The following ATP9B variants were observed in gnomAD, a reference collection of about 807,000 sequenced individuals.
The protein encoded by ATP9B is probable phospholipid-transporting ATPase IIB.
A neutral mutation model predicts 146.1 loss-of-function variants in ATP9B; 110 were observed. That is an observed-to-expected ratio of 0.75 (90% CI 0.65 to 0.88). The LOEUF is 0.88. Ranked by LOEUF, ATP9B falls within the 40% of genes least tolerant of loss-of-function variation. The pLI is 0.00. For synonymous variants in ATP9B, 604 were observed against 569.7 expected, an observed-to-expected ratio of 1.06 and a Z score of -0.86; for missense variants, 1,499 against 1,496.4, an observed-to-expected ratio of 1.00 and a Z score of -0.03.
chr18:79,113,975 A>ATTTTTAT (rs1393935543), intron 4 of ATP9B, among the ~76,000 whole-genome samples: 1 of 151,664 alleles, frequency 6.6e-6, no homozygotes, highest in African/African-American at 2.4e-5. Context: ...TACTTCCTTT[A>ATTTTTAT]TTTTTATTTT....
intron 5 of ATP9B, among the ~76,000 whole-genome samples, chr18:79,127,528 A>G (rs986258925): frequency 6.6e-6 from 1 of 152,328 alleles, no homozygotes; most frequent in African/African-American, 2.4e-5. Flanking sequence ...TGGTAGTAGC[A>G]TTCATCAGTA....
chr18:79,205,029 C>T (rs1051651125), intron 9 of ATP9B, among the ~76,000 whole-genome samples: 1 of 152,126 alleles, frequency 6.6e-6, no homozygotes, highest in African/African-American at 2.4e-5. Flanking sequence ...CAGGCGGTCG[C>T]CTTCTTGTGA....
At chr18:79,368,809 C>CCGTCGTTGGCACCCT (rs1162710660) in intron 26 of ATP9B, among the ~76,000 whole-genome samples, 3 of 151,974 alleles carry the variant, frequency 2.0e-5, no homozygotes, top group Non-Finnish European at 4.4e-5. Context: ...CCAGCATACT[C>CCGTCGTTGGCACCCT]CGTCGTTGGC....
intron 12 of ATP9B, among the ~76,000 whole-genome samples, chr18:79,267,468 C>A (rs545650494): frequency 6.6e-6 from 1 of 151,982 alleles, no homozygotes; most frequent in East Asian, 1.9e-4. Flanking sequence ...CCTTCTGCCC[C>A]CTTTGTGAAT....
At chr18:79,375,021 G>A (rs1291211908) in intron 28 of ATP9B, among the ~76,000 whole-genome samples, 1 of 152,226 alleles carries the variant, frequency 6.6e-6, no homozygotes, top group East Asian at 1.9e-4. Flanking sequence ...AAGATCAGTA[G>A]TAACACGCTT....
intron 29 of ATP9B, 138 bp from the exon 30 acceptor site, chr18:79,377,108 TG>T: frequency 1.0e-6 from 1 of 955,104 alleles, no homozygotes; most frequent in Non-Finnish European, 1.6e-6. Flanking sequence ...GATTTGGAGC[TG>T]GGCCCCTGTA....
intron 29 of ATP9B, chr18:79,375,887 G>A: frequency 5.1e-6 from 5 of 985,372 alleles, no homozygotes; most frequent in African/African-American, 3.5e-5. Context: ...ACAGTCTAAA[G>A]GGATTTCCAC....
Position 79,298,536 on chromosome 18 carries a change from G to A in ATP9B, c.1412-5068G>A, listed in dbSNP as rs1054374102. ...CACTAAAAATGTCACTTCTCTTTTCGATATTCAGTTTAATTCAGTTTCTGT... is the reference window on the plus strand; with the variant it reads ...CACTAAAAATGTCACTTCTCTTTTCAATATTCAGTTTAATTCAGTTTCTGT... On this transcript the variant is annotated intron_variant, in intron 13 of 29. Coordinates refer to ENST00000426216, the MANE Select transcript of ATP9B (RefSeq NM_198531.5). 8.2e-5 allele frequency among the ~76,000 whole-genome samples: 12 copies of A among 146,640 alleles called. 1 individual carries two copies. Among genetic ancestry groups the A allele is most frequent in the African/African-American group, 3.0e-4 (12 of 39,844 alleles).
chr18:79,096,961 C>T (rs879655119), intron 2 of ATP9B, among the ~76,000 whole-genome samples: 5 of 151,954 alleles, frequency 3.3e-5, no homozygotes, highest in Admixed American at 3.3e-4. Context: ...AGTTTGAGAC[C>T]AGCCTGGACA....
At chr18:79,280,203 G>T (rs980383144) in intron 13 of ATP9B, among the ~76,000 whole-genome samples, 6 of 152,066 alleles carry the variant, frequency 3.9e-5, no homozygotes, top group African/African-American at 9.7e-5. Context: ...TTTCAAAATA[G>T]AATGTTCAAG....
intron 26 of ATP9B, 153 bp from the exon 27 acceptor site, chr18:79,372,672 C>T (rs547060944): frequency 2.6e-5 from 18 of 696,172 alleles, no homozygotes; most frequent in South Asian, 1.6e-4. Flanking sequence ...CAGGAAAAGG[C>T]GCCCGAAATG....
At chr18:79,130,537 G>A (rs2094360639) in intron 5 of ATP9B, among the ~76,000 whole-genome samples, 2 of 151,938 alleles carry the variant, frequency 1.3e-5, no homozygotes, top group African/African-American at 2.4e-5. Context: ...GAGAAAATAT[G>A]TGAAGGAATA....
At chr18:79,185,448 G>A (rs538667976) in intron 8 of ATP9B, among the ~76,000 whole-genome samples, 9 of 152,020 alleles carry the variant, frequency 5.9e-5, no homozygotes, top group African/African-American at 9.7e-5. Context: ...TAACATTTTC[G>A]TGGCCAGTAC....
chr18:79,336,906 G>A (rs749763667), intron 18 of ATP9B, among the ~76,000 whole-genome samples, 195 bp downstream of exon 18: 35 of 152,328 alleles, frequency 2.3e-4, no homozygotes, highest in Admixed American at 1.6e-3. Context: ...TGCTGGGGAA[G>A]GAGGGTTACA....
At chr18:79,303,477 T>C (rs923624522) in intron 13 of ATP9B, 127 bp from the exon 14 acceptor site, 3 of 634,450 alleles carry the variant, frequency 4.7e-6, no homozygotes, top group Admixed American at 2.6e-5. Context: ...CGCTACTTTG[T>C]ATTATACAGT....
At chr18:79,118,531 G>A (rs1179729129) in intron 4 of ATP9B, among the ~76,000 whole-genome samples, 1 of 149,906 alleles carries the variant, frequency 6.7e-6, no homozygotes, top group Admixed American at 6.7e-5. Context: ...CTTCCAAGTA[G>A]CTGGGACTAC....
chr18:79,192,864 G>A (rs1349019870), intron 8 of ATP9B, among the ~76,000 whole-genome samples: 2 of 152,140 alleles, frequency 1.3e-5, no homozygotes, highest in African/African-American at 4.8e-5. Context: ...ATACCCAGGT[G>A]ACTTCAAGAT....
At position 79,184,373 on chromosome 18, in the gene ATP9B, T is replaced by TG. The variant is rs1451524842; in HGVS notation, c.873+7466_873+7467insG. Among the ~76,000 whole-genome samples the TG allele has an allele frequency of 6.1e-4, 93 of 152,280 alleles. 1 individual carries two copies. Among genetic ancestry groups the TG allele is most frequent in the Admixed American group, 1.3e-4 (2 of 15,294 alleles). On this transcript the variant is annotated intron_variant, in intron 8 of 29. Transcript: ENST00000426216. ...AGGTTTTTTTGTTTGTTTGTTTGTT[T>TG]TTTTAATTTCATGTTATGAGCTGAG...
At chr18:79,289,337 C>A (rs1296131005) in intron 13 of ATP9B, among the ~76,000 whole-genome samples, 1 of 152,126 alleles carries the variant, frequency 6.6e-6, no homozygotes, top group East Asian at 1.9e-4. Flanking sequence ...TTTCTCTAAA[C>A]TTCCCTTCTC....
Sources: allele counts gnomAD v4.1 joint callset (sites outside exome capture counted in the v4.1 genomes callset), GRCh38; gene constraint gnomAD v4.1.1; transcripts MANE v1.5; gene names NCBI Gene and HGNC (gene_info 2026-07-23, HGNC 2026-07-21).